Variants in LXN observed in about 807,000 individuals in gnomAD.
The protein encoded by LXN is MUM.
LXN carries 28 observed loss-of-function variants against 29.8 expected under a neutral mutation model. The ratio of observed to expected loss-of-function variants is 0.94; its 90% CI spans 0.70 to 1.29. The LOEUF (loss-of-function observed/expected upper bound fraction) is 1.29. Among genes scored for constraint, LXN ranks in the 50% most tolerant of loss-of-function variants. The probability of loss-of-function intolerance (pLI) is 0.00; values close to 1 mark genes in which losing one functional copy is unlikely to be tolerated. For synonymous variants in LXN, 77 were observed against 89.6 expected, an observed-to-expected ratio of 0.86 and a Z score of 0.80; for missense variants, 227 against 261.7, an observed-to-expected ratio of 0.87 and a Z score of 0.92.
intron 4 of LXN, among the ~76,000 whole-genome samples, chr3:158,667,616 T>C (rs1324945529): frequency 1.3e-5 from 2 of 152,104 alleles, no homozygotes; most frequent in Non-Finnish European, 2.9e-5. Flanking sequence ...TGAAACCATG[T>C]CTCTATGAGA....
At chr3:158,670,913 A>G (rs552135174) in intron 2 of LXN, 44 bp downstream of exon 2, 1 of 1,463,004 alleles carries the variant, frequency 6.8e-7, no homozygotes, top group Non-Finnish European at 9.1e-7. Flanking sequence ...AGCCTGGGTG[A>G]TAGAGTGAGA....
chr3:158,666,856 T>C, intron 5 of LXN, 112 bp from the exon 6 acceptor site: 1 of 1,421,538 alleles, frequency 7.0e-7, no homozygotes, highest in Non-Finnish European at 9.6e-7. Flanking sequence ...AATAGTACTT[T>C]TGTTAAATTG....
At chr3:158,666,789 T>C in intron 5 of LXN, 45 bp from the exon 6 acceptor site, 1 of 1,562,988 alleles carries the variant, frequency 6.4e-7, no homozygotes, top group South Asian at 1.1e-5. Context: ...TCAGAAAACA[T>C]TTAGGAAAAC....
intron 2 of LXN, among the ~76,000 whole-genome samples, chr3:158,670,673 T>C (rs1724200744): frequency 6.6e-6 from 1 of 152,192 alleles, no homozygotes; most frequent in Admixed American, 6.5e-5. Flanking sequence ...GCAAAGATGA[T>C]CTGGAATATT....
chr3:158,667,070 C>T lies in LXN; in HGVS notation c.512G>A (p.Arg171Lys), dbSNP rs1376821275. The change falls in exon 5 of 6, where the codon AGA becomes AAA. Residue 171 changes from arginine (R) to lysine (K), a missense_variant. Transcript: ENST00000264265. The stretch of plus-strand genomic sequence containing the variant: ...GTCTAATTCAATAAAGTCATCATTT[C>T]TTTGCTATGACAAAAAATAAAAACG... ...VKIQTVKQVQ[R>K]NDDFIELDYT... The T allele has an allele frequency of 6.3e-7, 1 of 1,581,884 alleles. No homozygotes were observed. The highest frequency in any genetic ancestry group is 1.4e-5 in the African/African-American group (1 of 73,492).
rs1264348100 is a variant in LXN, at chr3:158,669,119, A to G, written c.384T>C (p.Asn128=). The G allele has an allele frequency of 6.2e-7, 1 of 1,613,474 alleles. No individual in the cohort carries two copies. The highest frequency in any genetic ancestry group is 8.5e-7 in the Non-Finnish European group (1 of 1,179,732). The part of the protein sequence containing the change: ...EAQNIPDNFG[N]VSPEMTLVLH... The stretch of plus-strand genomic sequence containing the variant: ...GAACGAGCGTCATTTCTGGAGATAC[A>G]TTTCCAAAATTGTCTGGTAGGAGAC... Residue 128 remains asparagine (N), a synonymous_variant, in exon 4 of 6, where the codon AAT becomes AAC. Transcript: ENST00000264265.
At chr3:158,670,188 CTTTCT>C (rs1236264743) in intron 2 of LXN, among the ~76,000 whole-genome samples, 11 of 152,176 alleles carry the variant, frequency 7.2e-5, no homozygotes, top group Admixed American at 2.6e-4. Context: ...ATTGCAGTTC[CTTTCT>C]TTTAAGTTTG....
At chr3:158,668,129 T>C (rs1419527103) in intron 4 of LXN, among the ~76,000 whole-genome samples, 1 of 152,184 alleles carries the variant, frequency 6.6e-6, no homozygotes, top group Non-Finnish European at 1.5e-5. Flanking sequence ...AATTGTCCCT[T>C]AGTATCCATG....
chr3:158,670,601 C>G (rs529014546), intron 2 of LXN, among the ~76,000 whole-genome samples: 1 of 152,220 alleles, frequency 6.6e-6, no homozygotes, highest in Non-Finnish European at 1.5e-5. Flanking sequence ...TTTTCAGAGG[C>G]AGGTATTTCA....
chr3:158,666,419 C>T lies in LXN; in HGVS notation c.*227G>A, dbSNP rs987091979. 3 of 1,558,512 alleles carry T rather than the reference C, an allele frequency of 1.9e-6. No individual in the cohort carries two copies. The highest frequency in any genetic ancestry group is 1.4e-5 in the African/African-American group (1 of 73,612). ...TGCAACGTAATTAAACATTATGAGG[C>T]TGAAATTGAAGCTTTTTATTTTGGA... On this transcript the variant is annotated 3_prime_UTR_variant, in exon 6 of 6. Transcript: ENST00000264265.
chr3:158,672,354 A>C lies in LXN; in HGVS notation c.125T>G (p.Met42Arg), dbSNP rs1724412989. ...FEVQKVKQAS[M>R]EDIPGRGHKY... ...ACCACCCCCTGCTAAACTCACCTCC[A>C]TGCTGGCTTGTTTGACCTTCTGCAC... The change falls in exon 1 of 6, where the codon ATG becomes AGG. Residue 42 changes from methionine to arginine, a missense_variant. Coordinates refer to ENST00000264265, the MANE Select transcript of LXN (RefSeq NM_020169.4). 1 of 1,613,678 alleles carries C rather than the reference A, an allele frequency of 6.2e-7. No individual in the cohort carries two copies. The highest frequency in any genetic ancestry group is 1.7e-5 in the Admixed American group (1 of 59,984).
At position 158,669,612 on chromosome 3, in the gene LXN, T is replaced by A; in HGVS notation, c.193-2A>T. ...AGCTGTGCAGTTCACCTTAACTTGC[T>A]GTTTGAAATTTAGCAAAATATCCTT... On this transcript the variant is annotated splice_acceptor_variant, in intron 2 of 5. Coordinates refer to ENST00000264265, the MANE Select transcript of LXN (RefSeq NM_020169.4). LOFTEE classifies it high-confidence loss of function. 6.2e-7 allele frequency: 1 copy of A among 1,612,910 alleles called. No homozygotes were observed. The highest frequency in any genetic ancestry group is 8.5e-7 in the Non-Finnish European group (1 of 1,179,672).
At chr3:158,672,299 G>T in intron 1 of LXN, 51 bp downstream of exon 1, 1 of 1,603,906 alleles carries the variant, frequency 6.2e-7, no homozygotes, top group South Asian at 1.1e-5. Context: ...GGTGAGTGGA[G>T]GGAGCGCAAT....
chr3:158,667,110 TA>T, intron 4 of LXN, 36 bp from the exon 5 acceptor site: 1 of 1,531,088 alleles, frequency 6.5e-7, no homozygotes, highest in Non-Finnish European at 8.8e-7. Context: ...GTTTAAAACT[TA>T]ATATCTTTGG....
At chr3:158,668,486 T>A (rs750419932) in intron 4 of LXN, among the ~76,000 whole-genome samples, 17 of 152,222 alleles carry the variant, frequency 1.1e-4, no homozygotes, top group Admixed American at 7.9e-4. Context: ...GTCTTGCTGC[T>A]ACTAATAAAA....
chr3:158,667,224 GACAA>G, intron 4 of LXN, 150 bp from the exon 5 acceptor site: 1 of 892,028 alleles, frequency 1.1e-6, no homozygotes, highest in South Asian at 2.1e-5. Flanking sequence ...AATTTAATGT[GACAA>G]AATCTATTCT....
Position 158,672,564 on chromosome 3 carries a change from G to T in LXN, c.-86C>A. Reference sequence around the variant, plus strand: ...GCGCCGCCCGTCCTGCTTGCTGCTGGGTCCGGTTGCCGAGGCGGAAAAGTC... The same window carrying T: ...GCGCCGCCCGTCCTGCTTGCTGCTGTGTCCGGTTGCCGAGGCGGAAAAGTC... On this transcript the variant is annotated 5_prime_UTR_variant, in exon 1 of 6. Transcript: ENST00000264265. 6.4e-7 allele frequency: 1 copy of T among 1,554,306 alleles called. No homozygotes were observed. The highest frequency in any genetic ancestry group is 8.8e-7 in the Non-Finnish European group (1 of 1,141,174).
intron 1 of LXN, 113 bp from the exon 2 acceptor site, chr3:158,671,132 G>T (rs1055706554): frequency 3.1e-6 from 4 of 1,280,328 alleles, no homozygotes; most frequent in Non-Finnish European, 4.0e-6. Context: ...GGGGAATGGT[G>T]AAAGCCTTAG....
chr3:158,669,382 T>A, intron 3 of LXN, 51 bp downstream of exon 3: 4 of 1,524,432 alleles, frequency 2.6e-6, no homozygotes, highest in Non-Finnish European at 3.6e-6. Context: ...ATAATTGAGA[T>A]TGATTTTAAG....
Sources: allele counts gnomAD v4.1 joint callset (sites outside exome capture counted in the v4.1 genomes callset), GRCh38; gene constraint gnomAD v4.1.1; transcripts MANE v1.5; gene names NCBI Gene and HGNC (gene_info 2026-07-23, HGNC 2026-07-21).